DLG2: variants seen among roughly 807,000 people sequenced by gnomAD.
DLG2 encodes the protein disks large homolog 2.
A neutral mutation model predicts 132.5 loss-of-function variants in DLG2; 45 were observed. That is an observed-to-expected ratio of 0.34 (90% CI 0.27 to 0.44). The LOEUF (loss-of-function observed/expected upper bound fraction) is 0.44. Among genes scored for constraint, DLG2 ranks in the 20% least tolerant of loss-of-function variants. DLG2 has a pLI of 1.00. For synonymous variants in DLG2, 424 were observed against 419.6 expected (o/e 1.01, Z -0.13); for missense variants, 1,045 against 1,196.9 (o/e 0.87, Z 1.87).
intron 9 of DLG2, among the ~76,000 whole-genome samples, chr11:84,113,811 A>G (rs1595537957): frequency 6.6e-6 from 1 of 152,170 alleles, no homozygotes; most frequent in Non-Finnish European, 1.5e-5. Context: ...AATGGTAATA[A>G]AAGTTCAATG....
chr11:85,467,354 G>C (rs1387502566), intron 3 of DLG2, among the ~76,000 whole-genome samples: 5 of 152,176 alleles, frequency 3.3e-5, no homozygotes, highest in Non-Finnish European at 7.3e-5. Context: ...ATGTTGAATA[G>C]GAGTGGTGAG....
intron 17 of DLG2, among the ~76,000 whole-genome samples, chr11:83,799,064 C>A (rs1027267809): frequency 6.6e-6 from 1 of 152,218 alleles, no homozygotes; most frequent in Non-Finnish European, 1.5e-5. Flanking sequence ...CCCCACCTCA[C>A]ATTTGTTACT....
intron 7 of DLG2, among the ~76,000 whole-genome samples, chr11:84,345,462 C>A (rs1310144653): frequency 2.0e-5 from 3 of 152,110 alleles, no homozygotes; most frequent in Non-Finnish European, 4.4e-5. Context: ...TAATTTTCTA[C>A]CCTATTAGAT....
At chr11:84,917,758 T>C (rs2092556391) in intron 6 of DLG2, among the ~76,000 whole-genome samples, 1 of 152,174 alleles carries the variant, frequency 6.6e-6, no homozygotes, top group Non-Finnish European at 1.5e-5. Flanking sequence ...TTGTTAGAAA[T>C]TGTAAATCTA....
At chr11:84,974,498 G>A (rs189684088) in intron 6 of DLG2, among the ~76,000 whole-genome samples, 22 of 152,290 alleles carry the variant, frequency 1.4e-4, no homozygotes, top group Non-Finnish European at 1.5e-5. Context: ...AAAACATCTG[G>A]AATGGTTAGC....
intron 3 of DLG2, among the ~76,000 whole-genome samples, chr11:85,385,707 C>G (rs563103135): frequency 6.6e-6 from 1 of 152,238 alleles, no homozygotes; most frequent in East Asian, 1.9e-4. Context: ...AATTTAAAAG[C>G]TATTTTTCCT....
chr11:85,475,631 G>T (rs187536638), intron 3 of DLG2, among the ~76,000 whole-genome samples: 1 of 152,156 alleles, frequency 6.6e-6, no homozygotes, highest in Admixed American at 6.5e-5. Context: ...AATAAAGACT[G>T]CTGGCTGTGT....
At chr11:83,802,767 T>G (rs971414150) in intron 17 of DLG2, among the ~76,000 whole-genome samples, 10 of 152,120 alleles carry the variant, frequency 6.6e-5, no homozygotes, top group Non-Finnish European at 1.5e-4. Context: ...GCTGTAGAAC[T>G]ATATGTGTAT....
At chr11:84,175,207 C>T (rs2095926504) in intron 8 of DLG2, among the ~76,000 whole-genome samples, 1 of 152,054 alleles carries the variant, frequency 6.6e-6, no homozygotes, top group South Asian at 2.1e-4. Flanking sequence ...CATAGCAGAG[C>T]ACCTCTCTTA....
chr11:84,786,111 T>G (rs1041864419), intron 6 of DLG2, among the ~76,000 whole-genome samples: 5 of 152,136 alleles, frequency 3.3e-5, no homozygotes, highest in African/African-American at 9.7e-5. Flanking sequence ...AAAGATAAAA[T>G]ATATCATCAT....
intron 18 of DLG2, among the ~76,000 whole-genome samples, chr11:83,742,439 G>A (rs1057334049): frequency 3.9e-5 from 6 of 152,102 alleles, no homozygotes; most frequent in Non-Finnish European, 8.8e-5. Flanking sequence ...GCAGGAGAAG[G>A]TTAATTTTCC....
chr11:85,518,702 G>A (rs1019364990), intron 3 of DLG2, among the ~76,000 whole-genome samples: 3 of 152,164 alleles, frequency 2.0e-5, no homozygotes, highest in African/African-American at 7.2e-5. Flanking sequence ...AAGACAATGG[G>A]GAAAAATGTC....
intron 6 of DLG2, among the ~76,000 whole-genome samples, chr11:84,934,546 T>TTTTTTTTTTTTG (rs1183459468): frequency 1.6e-4 from 20 of 128,720 alleles, no homozygotes; most frequent in Non-Finnish European, 3.2e-4. Flanking sequence ...TTTTTTTTTT[T>TTTTTTTTTTTTG]GGTGGGTAGG....
intron 18 of DLG2, among the ~76,000 whole-genome samples, chr11:83,769,553 C>G: frequency 6.7e-6 from 1 of 148,666 alleles, no homozygotes; most frequent in East Asian, 2.0e-4. Context: ...GAGAATGACT[C>G]TAGCTTCTTT....
chr11:85,129,178 A>G (rs954686666), intron 5 of DLG2, among the ~76,000 whole-genome samples: 4 of 152,220 alleles, frequency 2.6e-5, no homozygotes, highest in Non-Finnish European at 5.9e-5. Context: ...AACATTTGAG[A>G]AAAAGAGATG....
At chr11:85,548,163 G>A (rs2076446327) in intron 3 of DLG2, among the ~76,000 whole-genome samples, 1 of 152,058 alleles carries the variant, frequency 6.6e-6, no homozygotes, top group Admixed American at 6.5e-5. Context: ...TCTTTGGCTG[G>A]GGTCTCTGAG....
rs556323212 is a variant in DLG2, at chr11:84,662,285, T to G, written c.358-127554A>C. On this transcript the variant is annotated intron_variant, in intron 6 of 27. Transcript: ENST00000376104. ...TCTGCCTCCCAGGTTCAAATGATTC[T>G]CCTGCCTCAGCCTCCCAAGTAGCTG... is the stretch of plus-strand genomic sequence containing the variant. 5.3e-5 allele frequency among the ~76,000 whole-genome samples: 8 copies of G among 150,756 alleles called. No homozygotes were observed. The South Asian group carries it at 1.5e-3, about 28-fold the overall frequency.
rs1596245885 is a variant in DLG2 at position 83,906,106 on chromosome 11, CA to C, written c.1496+24221del. On this transcript the variant is annotated intron_variant, in intron 15 of 27. Transcript: ENST00000376104. ...CTATATATATATATATATATATATACATATATAGTTTTGCACTATAAAAGCT... is the reference window on the plus strand; with the variant it reads ...CTATATATATATATATATATATATACTATATAGTTTTGCACTATAAAAGCT... 4.9e-5 allele frequency among the ~76,000 whole-genome samples: 3 copies of C among 60,910 alleles called. No individual in the cohort carries two copies. The East Asian group carries it at 1.9e-3, about 39-fold the overall frequency. 40.0% of individuals were successfully genotyped at this position (60,910 alleles called of 152,430 possible).
At chr11:84,947,516 C>T (rs1021715940) in intron 6 of DLG2, among the ~76,000 whole-genome samples, 2 of 152,188 alleles carry the variant, frequency 1.3e-5, no homozygotes, top group African/African-American at 4.8e-5. Flanking sequence ...TTCCTCCATG[C>T]CAACAACCTC....
Sources: allele counts gnomAD v4.1 joint callset (sites outside exome capture counted in the v4.1 genomes callset), GRCh38; gene constraint gnomAD v4.1.1; transcripts MANE v1.5; gene names NCBI Gene and HGNC (gene_info 2026-07-23, HGNC 2026-07-21).